Variants in MPP7 observed in about 807,000 individuals in gnomAD.
MPP7 encodes the protein MAGUK p55 scaffold protein 7.
A neutral mutation model predicts 76.5 loss-of-function variants in MPP7; 60 were observed. The observed-to-expected ratio is 0.78, with a 90% confidence interval of 0.64 to 0.97. The LOEUF is 0.97. Ranked by LOEUF, MPP7 falls within the 50% of genes least tolerant of loss-of-function variation. The probability of loss-of-function intolerance (pLI) is 0.00; values close to 1 mark genes in which losing one functional copy is unlikely to be tolerated. For missense variants in MPP7, 641 were observed against 694.0 expected (o/e 0.92, Z 0.86); for synonymous variants, 237 against 244.5 (o/e 0.97, Z 0.29).
At position 28,177,118 on chromosome 10, in the gene MPP7, G is replaced by T. The variant is rs192933503; in HGVS notation, c.156+25035C>A. Among the ~76,000 whole-genome samples the T allele has an allele frequency of 4.3e-3, 645 of 151,428 alleles. 5 individuals carry two copies. The highest frequency in any genetic ancestry group is 5.3e-3 in the Non-Finnish European group (361 of 67,842). On this transcript the variant is annotated intron_variant, in intron 3 of 16. Coordinates refer to ENST00000683449, the MANE Select transcript of MPP7 (RefSeq NM_001318170.2). ...ATACAAAAATCTTTGTATTCATACCGATAGTAAAAAGAGTTCTGGCCGGGC... is the reference window on the plus strand; with the variant it reads ...ATACAAAAATCTTTGTATTCATACCTATAGTAAAAAGAGTTCTGGCCGGGC...
intron 5 of MPP7, among the ~76,000 whole-genome samples, chr10:28,137,981 A>T (rs1324340367): frequency 1.3e-5 from 2 of 152,212 alleles, no homozygotes; most frequent in Non-Finnish European, 1.5e-5. Context: ...ATCCCTCCAG[A>T]AGGAGCTTAA....
chr10:28,282,746 G>A (rs1840706925), intron 1 of MPP7, among the ~76,000 whole-genome samples: 1 of 151,974 alleles, frequency 6.6e-6, no homozygotes, highest in Admixed American at 6.6e-5. Flanking sequence ...CCCTTACACT[G>A]TTCGGATCTG....
intron 2 of MPP7, among the ~76,000 whole-genome samples, chr10:28,218,854 GC>G (rs1420576839): frequency 6.6e-6 from 1 of 152,108 alleles, no homozygotes; most frequent in African/African-American, 2.4e-5. Context: ...ACGACCTAGG[GC>G]CGATTAGAAT....
rs555627239 is a variant in MPP7 at position 28,145,436 on chromosome 10, A to AG, written c.315+2046dup. ...CCTACATACCTTGCTTCTGTTTAAA[A>AG]GGAAAACAATCACAAAAAGATTTTA... is the stretch of plus-strand genomic sequence containing the variant. On this transcript the variant is annotated intron_variant, in intron 5 of 16. Coordinates refer to ENST00000683449, the MANE Select transcript of MPP7 (RefSeq NM_001318170.2). Among the ~76,000 whole-genome samples, 286 of 152,302 alleles carry AG rather than the reference A, an allele frequency of 1.9e-3. 2 individuals are homozygous for AG. Among genetic ancestry groups the AG allele is most frequent in the African/African-American group, 6.6e-3 (273 of 41,566 alleles).
chr10:28,113,283 G>GT (rs1272785284), intron 11 of MPP7, among the ~76,000 whole-genome samples: 3 of 152,118 alleles, frequency 2.0e-5, no homozygotes, highest in Non-Finnish European at 2.9e-5. Flanking sequence ...CACTGGTTGA[G>GT]TCTGCATCCC....
intron 1 of MPP7, among the ~76,000 whole-genome samples, chr10:28,333,915 G>A (rs573294052): frequency 3.3e-5 from 5 of 152,128 alleles, no homozygotes; most frequent in Non-Finnish European, 7.4e-5. Flanking sequence ...CAAGGGGGCC[G>A]GCTGCGGTGG....
chr10:28,296,319 C>T (rs1196615045), intron 1 of MPP7, among the ~76,000 whole-genome samples: 2 of 152,110 alleles, frequency 1.3e-5, no homozygotes, highest in Admixed American at 6.6e-5. Context: ...AAATCTCCAC[C>T]AAATCCCCTA....
At chr10:28,189,166 A>G (rs1837326650) in intron 3 of MPP7, among the ~76,000 whole-genome samples, 1 of 152,214 alleles carries the variant, frequency 6.6e-6, no homozygotes, top group African/African-American at 2.4e-5. Context: ...CATAGAGATA[A>G]GTAAAATGAA....
intron 11 of MPP7, among the ~76,000 whole-genome samples, chr10:28,109,097 G>A (rs1159152855): frequency 6.6e-6 from 1 of 152,164 alleles, no homozygotes; most frequent in Admixed American, 6.5e-5. Flanking sequence ...AGACCAGCCT[G>A]GCCAACATGG....
intron 3 of MPP7, among the ~76,000 whole-genome samples, chr10:28,183,195 C>T (rs953402465): frequency 6.6e-6 from 1 of 152,134 alleles, no homozygotes; most frequent in Non-Finnish European, 1.5e-5. Context: ...TGAATACAAA[C>T]TCAAGATGAA....
chr10:28,184,813 T>C (rs1837176237), intron 3 of MPP7, among the ~76,000 whole-genome samples: 1 of 139,352 alleles, frequency 7.2e-6, no homozygotes, highest in Non-Finnish European at 1.6e-5. Flanking sequence ...ATATTACATA[T>C]TAATATATTA....
intron 1 of MPP7, among the ~76,000 whole-genome samples, chr10:28,331,470 C>T (rs1834469400): frequency 6.6e-6 from 1 of 152,132 alleles, no homozygotes; most frequent in Admixed American, 6.5e-5. Flanking sequence ...AATTGTTGGT[C>T]TCGCTCATAA....
chr10:28,210,000 T>C (rs1022050448), intron 2 of MPP7, among the ~76,000 whole-genome samples: 2 of 152,176 alleles, frequency 1.3e-5, no homozygotes, highest in African/African-American at 4.8e-5. Context: ...CTCACTCTTA[T>C]TGAGCTGGGA....
At chr10:28,279,623 T>G (rs562358900) in intron 1 of MPP7, among the ~76,000 whole-genome samples, 11 of 151,706 alleles carry the variant, frequency 7.3e-5, no homozygotes, top group Middle Eastern at 3.4e-3. Flanking sequence ...TAGAATCACT[T>G]GAACCCAGGA....
intron 2 of MPP7, among the ~76,000 whole-genome samples, chr10:28,318,866 G>A (rs1263160406): frequency 6.6e-6 from 1 of 152,182 alleles, no homozygotes; most frequent in Non-Finnish European, 1.5e-5. Context: ...CTCTTCACAA[G>A]TTACATGCAA....
chr10:28,314,240 G>T (rs1841306586), intron 2 of MPP7, among the ~76,000 whole-genome samples: 1 of 152,172 alleles, frequency 6.6e-6, no homozygotes, highest in Admixed American at 6.6e-5. Context: ...TGGTGGGAAA[G>T]AATACAAACA....
chr10:28,142,446 T>A (rs1835553067), intron 5 of MPP7, among the ~76,000 whole-genome samples: 2 of 152,174 alleles, frequency 1.3e-5, no homozygotes, highest in South Asian at 4.1e-4. Flanking sequence ...GAATATTAGT[T>A]GGGGCTGTGC....
At chr10:28,306,197 A>G (rs1408821089), upstream of MPP7, among the ~76,000 whole-genome samples, 1 of 152,246 alleles carries the variant, frequency 6.6e-6, no homozygotes, top group East Asian at 1.9e-4. Flanking sequence ...AAAGTATCTC[A>G]GTACATCCAG....
At position 28,057,785 on chromosome 10, in the gene MPP7, A is replaced by T. The variant is rs1323550566; in HGVS notation, c.1407+710T>A. ...GAGGTCCAAAGGGCTTCCGCAGGTC[A>T]TTCTAGCATTTGGAGGTTTTGCACC... On this transcript the variant is annotated intron_variant, in intron 15 of 16. Transcript: ENST00000683449. 2.3e-6 allele frequency: 3 copies of T among 1,287,598 alleles called. No homozygotes were observed. In the African/African-American group the frequency reaches 4.6e-5, roughly 20 times the overall value. The allele number at this position is 1,287,598 out of a possible 1,614,324, so 79.8% of individuals were successfully genotyped here.
Sources: gnomAD v4.1 joint callset for allele counts (sites outside exome capture counted in the v4.1 genomes callset) on GRCh38, gnomAD v4.1.1 for gene constraint, MANE v1.5 for transcripts, NCBI Gene and HGNC (gene_info 2026-07-23, HGNC 2026-07-21) for gene names.